P2RY2: variants seen among roughly 807,000 people sequenced by gnomAD.
P2RY2 encodes the protein P2Y purinoceptor 2.
For missense variants in P2RY2, 567 were observed against 515.7 expected (o/e 1.10, Z -0.96); for synonymous variants, 241 against 231.9 (o/e 1.04, Z -0.35).
Position 73,240,130 on chromosome 11 carries a change from T to C in P2RY2, c.*4837T>C, listed in dbSNP as rs377365906. 1 of 152,408 alleles carries C rather than the reference T, an allele frequency of 6.6e-6. No individual in the cohort carries two copies. The highest frequency in any genetic ancestry group is 6.5e-5 in the Admixed American group (1 of 15,282). The allele number at this position is 152,408 out of a possible 1,614,324, so 9.4% of individuals were successfully genotyped here. A position where few individuals can be genotyped will look rare whatever the true frequency, so the allele number is the denominator to read the frequency against. The stretch of plus-strand genomic sequence containing the variant: ...CTCTGCCTGGCCACTCCTCCTCCAA[T>C]GGGGGAATTCCTGGGCTTGCCTCTG... On this transcript the variant is annotated 3_prime_UTR_variant, in exon 3 of 3. Transcript: ENST00000393597.
intron 1 of P2RY2, among the ~76,000 whole-genome samples, chr11:73,223,780 G>A (rs1862194341): frequency 6.6e-6 from 1 of 152,174 alleles, no homozygotes; most frequent in Non-Finnish European, 1.5e-5. Context: ...GCCCTGTTCT[G>A]GGCTATGCTG....
At chr11:73,220,137 G>A (rs983619308) in intron 1 of P2RY2, among the ~76,000 whole-genome samples, 1 of 152,192 alleles carries the variant, frequency 6.6e-6, no homozygotes, top group Admixed American at 6.5e-5. Context: ...GTAAAGGCCC[G>A]GCTGCAGGGG....
chr11:73,228,214 C>A (rs1862343746), intron 2 of P2RY2, 39 bp downstream of exon 2: 1 of 147,284 alleles, frequency 6.8e-6, no homozygotes, highest in Admixed American at 6.8e-5. Flanking sequence ...GGTACGCTGG[C>A]CGGGAGGTGA....
rs1272817847 is a variant in P2RY2, at chr11:73,242,095, G to C, written c.*6802G>C. ...TGTAGAGTGAGGTGGGGTGTGTAGA[G>C]AGCTGGGGCAAGGAACCCTGAGAAG... On this transcript the variant is annotated 3_prime_UTR_variant, in exon 3 of 3. Coordinates refer to ENST00000393597, the MANE Select transcript of P2RY2 (RefSeq NM_002564.4). 1 of 127,690 alleles carries C rather than the reference G, an allele frequency of 7.8e-6. No individual in the cohort carries two copies. The highest frequency in any genetic ancestry group is 1.7e-5 in the Non-Finnish European group (1 of 57,854). The allele number at this position is 127,690 out of a possible 1,614,324, so 7.9% of individuals were successfully genotyped here. A position where few individuals can be genotyped will look rare whatever the true frequency, so the allele number is the denominator to read the frequency against.
chr11:73,234,133 C>A, intron 2 of P2RY2, 23 bp from the exon 3 acceptor site: 1 of 1,579,132 alleles, frequency 6.3e-7, no homozygotes, highest in South Asian at 1.2e-5. Context: ...ACCCTGATGG[C>A]CCCACCCCTC....
intron 2 of P2RY2, among the ~76,000 whole-genome samples, chr11:73,232,504 T>C (rs141501641): frequency 1.2e-3 from 179 of 152,210 alleles, no homozygotes; most frequent in African/African-American, 3.4e-3. Context: ...CTCCACCTCC[T>C]GGGCCCAGGT....
intron 1 of P2RY2, among the ~76,000 whole-genome samples, chr11:73,225,605 T>C (rs1422307931): frequency 1.7e-5 from 2 of 121,186 alleles, no homozygotes; most frequent in Non-Finnish European, 3.6e-5. Flanking sequence ...GGGCAGGAGG[T>C]AGTGGTCAGG....
At chr11:73,225,882 A>C (rs1393908308) in intron 1 of P2RY2, among the ~76,000 whole-genome samples, 1 of 152,198 alleles carries the variant, frequency 6.6e-6, no homozygotes, top group Admixed American at 6.5e-5. Flanking sequence ...TGGGTACCAG[A>C]TCAGCCAGGG....
At chr11:73,226,830 G>A (rs1862291978) in intron 1 of P2RY2, among the ~76,000 whole-genome samples, 1 of 152,160 alleles carries the variant, frequency 6.6e-6, no homozygotes, top group African/African-American at 2.4e-5. Flanking sequence ...CAGAATTCGG[G>A]AGGGCTGGGC....
chr11:73,220,400 G>T (rs1297758527), intron 1 of P2RY2, among the ~76,000 whole-genome samples: 2 of 152,226 alleles, frequency 1.3e-5, no homozygotes, highest in East Asian at 3.8e-4. Context: ...GCCAAGTGCA[G>T]GGAGGTCAGG....
Position 73,235,089 on chromosome 11 carries a change from G to A in P2RY2, c.930G>A (p.Gly310=), listed in dbSNP as rs751650944. 3.1e-6 allele frequency: 5 copies of A among 1,607,466 alleles called. No homozygotes were observed. Among genetic ancestry groups the A allele is most frequent in the Middle Eastern group, 1.6e-4 (1 of 6,076 alleles). The part of the protein sequence containing the change: ...CLDPVLYFLA[G]QRLVRFARDA... The stretch of plus-strand genomic sequence containing the variant: ...ACCCCGTGCTCTACTTCCTGGCTGG[G>A]CAGAGGCTCGTACGCTTTGCCCGAG... Residue 310 remains glycine (G), a synonymous_variant, in exon 3 of 3, where the codon GGG becomes GGA. Transcript: ENST00000393597.
intron 1 of P2RY2, among the ~76,000 whole-genome samples, chr11:73,226,039 G>A (rs1862267740): frequency 6.6e-6 from 1 of 152,214 alleles, no homozygotes; most frequent in Non-Finnish European, 1.5e-5. Flanking sequence ...AGGGGTGGAG[G>A]CACGGAGGCC....
chr11:73,220,521 G>A (rs2135627783), intron 1 of P2RY2, among the ~76,000 whole-genome samples: 1 of 152,302 alleles, frequency 6.6e-6, no homozygotes, highest in African/African-American at 2.4e-5. Context: ...TCCTGCTGAG[G>A]AATTTGGGGA....
intron 1 of P2RY2, among the ~76,000 whole-genome samples, chr11:73,225,846 A>G (rs1026572086): frequency 2.0e-5 from 3 of 152,198 alleles, no homozygotes; most frequent in Admixed American, 2.0e-4. Flanking sequence ...GCAGGGACAG[A>G]GAGGATGGGC....
At chr11:73,222,953 G>C (rs1303658402) in intron 1 of P2RY2, among the ~76,000 whole-genome samples, 1 of 152,198 alleles carries the variant, frequency 6.6e-6, no homozygotes, top group Non-Finnish European at 1.5e-5. Context: ...GTCCATCTGA[G>C]GCCAGGTGCA....
chr11:73,219,833 C>A (rs1168291971), intron 1 of P2RY2, among the ~76,000 whole-genome samples: 1 of 152,232 alleles, frequency 6.6e-6, no homozygotes, highest in African/African-American at 2.4e-5. Context: ...GAGAACTACC[C>A]AGACTTGGGA....
At chr11:73,231,718 C>T (rs1323715462) in intron 2 of P2RY2, among the ~76,000 whole-genome samples, 1 of 152,002 alleles carries the variant, frequency 6.6e-6, no homozygotes, top group Non-Finnish European at 1.5e-5. Flanking sequence ...GCAGGCCCTG[C>T]AGAGTCCCCC....
chr11:73,231,921 G>A (rs912319085), intron 2 of P2RY2, among the ~76,000 whole-genome samples: 1 of 152,066 alleles, frequency 6.6e-6, no homozygotes, highest in African/African-American at 2.4e-5. Flanking sequence ...GTGGTAGCAT[G>A]TGCCTGTAAT....
intron 1 of P2RY2, among the ~76,000 whole-genome samples, chr11:73,220,703 T>C (rs1862092809): frequency 6.6e-6 from 1 of 152,166 alleles, no homozygotes; most frequent in African/African-American, 2.4e-5. Context: ...CTCCCTGCCT[T>C]GGGCTGTCTT....
Sources: allele counts gnomAD v4.1 joint callset (sites outside exome capture counted in the v4.1 genomes callset), GRCh38; gene constraint gnomAD v4.1.1; transcripts MANE v1.5; gene names NCBI Gene and HGNC (gene_info 2026-07-23, HGNC 2026-07-21).